Variants in CA10 observed in about 807,000 individuals in gnomAD.
CA10 encodes the protein carbonic anhydrase 10 (inactive).
Under a neutral mutation model 44.2 loss-of-function variants are expected in CA10, and 14 were observed. That is an observed-to-expected ratio of 0.32 (90% CI 0.21 to 0.50). The LOEUF (loss-of-function observed/expected upper bound fraction) is 0.50. Among genes scored for constraint, CA10 ranks in the 20% least tolerant of loss-of-function variants. CA10 has a pLI of 0.99. For missense variants in CA10, 350 were observed against 409.7 expected (o/e 0.85, Z 1.26); for synonymous variants, 159 against 141.6 (o/e 1.12, Z -0.87).
rs1017942617 is a variant in CA10, at chr17:51,708,821, A to G, written c.465+38812T>C. Among the ~76,000 whole-genome samples the G allele has an allele frequency of 2.0e-5, 3 of 152,258 alleles. No homozygotes were observed. The South Asian group carries it at 6.2e-4, about 32-fold the overall frequency. On this transcript the variant is annotated intron_variant, in intron 4 of 8. Transcript: ENST00000451037. ...GATGCTTCCTGCCCTTGAACGGCAG[A>G]CTCCAAGTTCTTCAGCTTTTGGACT...
chr17:51,857,381 G>A (rs556887682), intron 3 of CA10, among the ~76,000 whole-genome samples: 2 of 152,228 alleles, frequency 1.3e-5, no homozygotes, highest in South Asian at 2.1e-4. Context: ...TGCAGTATAC[G>A]CCTACCACCA....
intron 3 of CA10, among the ~76,000 whole-genome samples, chr17:51,927,317 G>A (rs1982473333): frequency 6.6e-6 from 1 of 152,120 alleles, no homozygotes; most frequent in South Asian, 2.1e-4. Context: ...TAAAAGATGA[G>A]AAAAGATGAC....
At chr17:51,717,958 A>C (rs1002714128) in intron 4 of CA10, among the ~76,000 whole-genome samples, 47 of 146,622 alleles carry the variant, frequency 3.2e-4, no homozygotes, top group Non-Finnish European at 6.4e-4. Context: ...TTTTAAGTGA[A>C]GTAACTCAGG....
chr17:51,638,872 A>G (rs534380741), intron 6 of CA10, among the ~76,000 whole-genome samples: 87 of 152,276 alleles, frequency 5.7e-4, no homozygotes, highest in Non-Finnish European at 1.1e-3. Context: ...TGTCAAGGCC[A>G]CTGTAGACAG....
intron 8 of CA10, among the ~76,000 whole-genome samples, chr17:51,632,479 A>T (rs1214813211): frequency 1.3e-5 from 2 of 152,204 alleles, no homozygotes; most frequent in African/African-American, 4.8e-5. Context: ...AGGATCAAGG[A>T]GTAGTGGTGG....
Position 51,824,239 on chromosome 17 carries a change from G to A in CA10, c.280-76421C>T, listed in dbSNP as rs148150433. Reference sequence around the variant, plus strand: ...AAGGAGATAAATTACCCATGGTAACGTATTCAGGATGTGGCTGGGATCAGA... The same window carrying A: ...AAGGAGATAAATTACCCATGGTAACATATTCAGGATGTGGCTGGGATCAGA... On this transcript the variant is annotated intron_variant, in intron 3 of 8. Transcript: ENST00000451037. Among the ~76,000 whole-genome samples, 317 of 152,268 alleles carry A rather than the reference G, an allele frequency of 2.1e-3. 2 individuals are homozygous for A. The highest frequency in any genetic ancestry group is 7.1e-3 in the African/African-American group (297 of 41,552).
intron 2 of CA10, among the ~76,000 whole-genome samples, chr17:52,070,816 CACA>C (rs1987660931): frequency 6.6e-6 from 1 of 151,918 alleles, no homozygotes; most frequent in Non-Finnish European, 1.5e-5. Flanking sequence ...GAGGCAGACA[CACA>C]ACATTTTGCA....
intron 4 of CA10, among the ~76,000 whole-genome samples, chr17:51,668,884 G>A (rs1435945472): frequency 6.6e-6 from 1 of 152,220 alleles, no homozygotes; most frequent in Non-Finnish European, 1.5e-5. Flanking sequence ...CGGCATCACA[G>A]GCCCTGGGCA....
At chr17:51,705,898 G>GT (rs1480399377) in intron 4 of CA10, among the ~76,000 whole-genome samples, 1 of 152,258 alleles carries the variant, frequency 6.6e-6, no homozygotes, top group African/African-American at 2.4e-5. Context: ...GGTAGGGGTA[G>GT]TTTTTTTCAG....
chr17:51,915,323 C>T (rs181560223), intron 3 of CA10, among the ~76,000 whole-genome samples: 18 of 152,290 alleles, frequency 1.2e-4, no homozygotes, highest in African/African-American at 3.6e-4. Flanking sequence ...TGAATGCCTC[C>T]TTTAGAAGTC....
chr17:52,030,902 T>G (rs1986446165), intron 2 of CA10, among the ~76,000 whole-genome samples: 1 of 152,102 alleles, frequency 6.6e-6, no homozygotes, highest in Non-Finnish European at 1.5e-5. Flanking sequence ...TAAGCTTCCT[T>G]AGATCTAAGG....
intron 2 of CA10, among the ~76,000 whole-genome samples, chr17:52,037,896 A>G (rs1375550712): frequency 6.6e-6 from 1 of 151,976 alleles, no homozygotes; most frequent in Non-Finnish European, 1.5e-5. Flanking sequence ...GACCCTCATT[A>G]TCTTGCCCAC....
intron 2 of CA10, among the ~76,000 whole-genome samples, chr17:52,031,426 A>G (rs1986463410): frequency 4.6e-5 from 7 of 152,160 alleles, no homozygotes; most frequent in Admixed American, 2.6e-4. Context: ...CTGGGATTAC[A>G]GGTGTGAGCC....
chr17:52,097,085 A>T (rs1019382049), intron 1 of CA10, among the ~76,000 whole-genome samples: 1 of 94,206 alleles, frequency 1.1e-5, no homozygotes, highest in Admixed American at 1.1e-4. Context: ...TGTAGATCTC[A>T]TTGTTTATGA....
rs117680221 is a variant in CA10, at chr17:51,750,967, T to C, written c.280-3149A>G. On this transcript the variant is annotated intron_variant, in intron 3 of 8. Coordinates refer to ENST00000451037, the MANE Select transcript of CA10 (RefSeq NM_020178.5). ...TACTTGGGAAACACACTGGCACAAG[T>C]AGGTGGAAAAATCAGGGGCCCTGGA... is the stretch of plus-strand genomic sequence containing the variant. Among the ~76,000 whole-genome samples the C allele has an allele frequency of 3.9e-3, 599 of 152,270 alleles. 5 individuals carry two copies. The highest frequency in any genetic ancestry group is 6.0e-3 in the Non-Finnish European group (408 of 68,018).
intron 4 of CA10, among the ~76,000 whole-genome samples, chr17:51,669,079 G>T (rs373206246): frequency 1.3e-5 from 2 of 152,190 alleles, no homozygotes; most frequent in Non-Finnish European, 2.9e-5. Flanking sequence ...GTGGGCTCCC[G>T]CATGGCCTTG....
chr17:51,692,246 T>C (rs1567805180), intron 4 of CA10, among the ~76,000 whole-genome samples: 5 of 151,090 alleles, frequency 3.3e-5, no homozygotes, highest in Admixed American at 3.3e-4. Flanking sequence ...GTTTTTTTTT[T>C]TTTTTTGGTA....
At chr17:51,850,629 T>A (rs960146662) in intron 3 of CA10, among the ~76,000 whole-genome samples, 2 of 152,196 alleles carry the variant, frequency 1.3e-5, no homozygotes, top group Non-Finnish European at 2.9e-5. Context: ...GGCAAGCGTT[T>A]GAGTTACATG....
intron 2 of CA10, among the ~76,000 whole-genome samples, chr17:52,010,036 A>C (rs1164409966): frequency 1.3e-5 from 2 of 152,064 alleles, no homozygotes; most frequent in Non-Finnish European, 2.9e-5. Flanking sequence ...AATACAAATC[A>C]AAACCACAAT....
Sources: allele counts gnomAD v4.1 joint callset (sites outside exome capture counted in the v4.1 genomes callset), GRCh38; gene constraint gnomAD v4.1.1; transcripts MANE v1.5; gene names NCBI Gene and HGNC (gene_info 2026-07-23, HGNC 2026-07-21).